Variants in LYL1 observed in about 807,000 individuals in gnomAD.
The protein encoded by LYL1 is LYL1 basic helix-loop-helix family member.
A neutral mutation model predicts 11.1 loss-of-function variants in LYL1; 4 were observed. That is an observed-to-expected ratio of 0.36 (90% CI 0.18 to 0.82). The LOEUF (loss-of-function observed/expected upper bound fraction) is 0.82. LYL1 is among the 40% of genes least tolerant of loss of function. The pLI is 0.49. For synonymous variants in LYL1, 179 were observed against 174.8 expected (o/e 1.02, Z -0.19); for missense variants, 356 against 397.6 (o/e 0.90, Z 0.89).
chr19:13,100,152 C>CTCTT (rs1227084025), intron 3 of LYL1, among the ~76,000 whole-genome samples: 2 of 152,136 alleles, frequency 1.3e-5, no homozygotes, highest in East Asian at 3.9e-4. Context: ...CTGTGTGAGA[C>CTCTT]TCTTGTTATG....
rs12975595 is a variant in LYL1 at position 13,099,506 on chromosome 19, G to C, written c.656C>G (p.Pro219Arg). The C allele has an allele frequency of 3.8e-5, 54 of 1,417,028 alleles. 1 individual carries two copies. The South Asian group carries it at 5.0e-4, about 13-fold the overall frequency. 87.8% of individuals were successfully genotyped at this position (1,417,028 alleles called of 1,614,324 possible). The part of the protein sequence containing the change: ...QAAALAAGPT[P>R]PGPRKRPVHR... ...CACCGGCCGTTTGCGAGGCCCGGGAGGGGTGGGGCCTGCGGCCAGAGCTGC... is the reference window on the plus strand; with the variant it reads ...CACCGGCCGTTTGCGAGGCCCGGGACGGGTGGGGCCTGCGGCCAGAGCTGC... The change falls in exon 4 of 4, where the codon CCT (proline) becomes CGT (arginine). Residue 219 changes from proline to arginine, a missense_variant. Pro to Arg is a moderately radical substitution (Grantham distance 103). Transcript: ENST00000264824. The surrounding 1 kb of genome is among the most constrained non-coding windows in gnomAD (Gnocchi z 5.3).
Position 13,101,366 on chromosome 19 carries a change from A to C in LYL1, c.-24-171T>G. ...GGGGGCAGGCCCAGAAACTTCCAGGACACGGGAGGGGGGTCCTACGTTAGA... is the reference window on the plus strand; with the variant it reads ...GGGGGCAGGCCCAGAAACTTCCAGGCCACGGGAGGGGGGTCCTACGTTAGA... On this transcript the variant is annotated intron_variant, in intron 1 of 3. Transcript: ENST00000264824. This position sits in a 1 kb window ranked among gnomAD's most constrained non-coding sequence, Gnocchi z 5.1. 4.9e-6 allele frequency: 2 copies of C among 406,250 alleles called. No homozygotes were observed. Among genetic ancestry groups the C allele is most frequent in the Non-Finnish European group, 8.7e-6 (2 of 229,808 alleles). The allele number at this position is 406,250 out of a possible 1,614,324, so 25.2% of individuals were successfully genotyped here.
Position 13,100,958 on chromosome 19 carries a change from C to T in LYL1, c.214G>A (p.Gly72Arg), listed in dbSNP as rs769390448. 3.6e-5 allele frequency: 55 copies of T among 1,508,450 alleles called. No homozygotes were observed. Among genetic ancestry groups the T allele is most frequent in the Non-Finnish European group, 4.5e-5 (51 of 1,126,852 alleles). 93.4% of individuals were successfully genotyped at this position (1,508,450 alleles called of 1,614,324 possible). A position where few individuals can be genotyped will look rare whatever the true frequency, so the allele number is the denominator to read the frequency against. Residue 72 changes from glycine (G) to arginine (R), a missense_variant, in exon 2 of 4, where the codon GGG becomes AGG. By Grantham distance (125) the Gly-to-Arg change is moderately radical. Coordinates refer to ENST00000264824, the MANE Select transcript of LYL1 (RefSeq NM_005583.5). The part of the protein sequence containing the change: ...VISLGHSRPP[G>R]VAMPTTELGT... Reference sequence around the variant, plus strand: ...AGCTCTGTGGTGGGCATGGCTACCCCTGGGGGCCTGCTGTGGCCCAGGCTG... The same window carrying T: ...AGCTCTGTGGTGGGCATGGCTACCCTTGGGGGCCTGCTGTGGCCCAGGCTG...
chr19:13,101,605 A>G lies in LYL1; in HGVS notation c.-24-410T>C, dbSNP rs528334819. The G allele has an allele frequency of 5.1e-4, 116 of 227,902 alleles. No homozygotes were observed. The highest frequency in any genetic ancestry group is 2.4e-3 in the African/African-American group (109 of 45,006). 14.1% of individuals were successfully genotyped at this position (227,902 alleles called of 1,614,324 possible). On this transcript the variant is annotated intron_variant, in intron 1 of 3. Transcript: ENST00000264824. This position sits in a 1 kb window ranked among gnomAD's most constrained non-coding sequence, Gnocchi z 5.1. ...AACCCTGTTATCCTCAGATCTAAAG[A>G]TCCAACCCAGAGACTCCTCATTAAC...
Position 13,099,992 on chromosome 19 carries a change from C to T in LYL1, c.428-258G>A, listed in dbSNP as rs2018655392. Among the ~76,000 whole-genome samples, 1 of 152,146 alleles carries T rather than the reference C, an allele frequency of 6.6e-6. No individual in the cohort carries two copies. The highest frequency in any genetic ancestry group is 2.4e-5 in the African/African-American group (1 of 41,442). On this transcript the variant is annotated intron_variant, in intron 3 of 3. Coordinates refer to ENST00000264824, the MANE Select transcript of LYL1 (RefSeq NM_005583.5). This position sits in a 1 kb window ranked among gnomAD's most constrained non-coding sequence, Gnocchi z 5.3. ...ACCTTTATGTCAATGACTGAGATTC[C>T]CTAAAGAAAGATTTCCTTGTGTTTG...
chr19:13,099,262 G>A lies in LYL1; in HGVS notation c.*57C>T, dbSNP rs2018637205. The A allele has an allele frequency of 1.6e-6, 2 of 1,229,656 alleles. No individual in the cohort carries two copies. Among genetic ancestry groups the A allele is most frequent in the Middle Eastern group, 3.0e-4 (1 of 3,374 alleles). The allele number at this position is 1,229,656 out of a possible 1,614,324, so 76.2% of individuals were successfully genotyped here. On this transcript the variant is annotated 3_prime_UTR_variant, in exon 4 of 4. Transcript: ENST00000264824. The surrounding 1 kb of genome is among the most constrained non-coding windows in gnomAD (Gnocchi z 5.3). The stretch of plus-strand genomic sequence containing the variant: ...GCAGCACGTCCACTGCCCTTTCCTT[G>A]ACGGCCCTGGGCCGAGTCCCTGGTG...
Position 13,099,795 on chromosome 19 carries a change from C to G in LYL1, c.428-61G>C. 7.6e-7 allele frequency: 1 copy of G among 1,314,936 alleles called. No homozygotes were observed. The highest frequency in any genetic ancestry group is 9.9e-7 in the Non-Finnish European group (1 of 1,009,530). The allele number at this position is 1,314,936 out of a possible 1,614,324, so 81.5% of individuals were successfully genotyped here. A position where few individuals can be genotyped will look rare whatever the true frequency, so the allele number is the denominator to read the frequency against. On this transcript the variant is annotated intron_variant, in intron 3 of 3. Coordinates refer to ENST00000264824, the MANE Select transcript of LYL1 (RefSeq NM_005583.5). The surrounding 1 kb of genome is among the most constrained non-coding windows in gnomAD (Gnocchi z 5.3). The stretch of plus-strand genomic sequence containing the variant: ...CAAAGGGCGGCCCCTCCTGCCCTCC[C>G]GCTAGACACGCAGCACCCTCGTGGG...
chr19:13,100,792 C>G (rs2018675727), intron 2 of LYL1, 44 bp from the exon 3 acceptor site: 1 of 1,612,732 alleles, frequency 6.2e-7, no homozygotes, highest in Middle Eastern at 1.7e-4. Context: ...GGCAAGGACC[C>G]TGGCCCCCAA....
In LYL1 at chr19:13,099,769, C is replaced by G; in HGVS notation, c.428-35G>C. 1 of 1,393,114 alleles carries G rather than the reference C, an allele frequency of 7.2e-7. No individual in the cohort carries two copies. The allele number at this position is 1,393,114 out of a possible 1,614,324, so 86.3% of individuals were successfully genotyped here. A position where few individuals can be genotyped will look rare whatever the true frequency, so the allele number is the denominator to read the frequency against. On this transcript the variant is annotated intron_variant, in intron 3 of 3. Coordinates refer to ENST00000264824, the MANE Select transcript of LYL1 (RefSeq NM_005583.5). The surrounding 1 kb of genome is among the most constrained non-coding windows in gnomAD (Gnocchi z 5.3). The stretch of plus-strand genomic sequence containing the variant: ...AGGAGGGCCGGGTTGGTGCCATGGC[C>G]CAAAGGGCGGCCCCTCCTGCCCTCC...
rs1303355173 is a variant in LYL1 at position 13,099,466 on chromosome 19, G to C, written c.696C>G (p.Asp232Glu). ...PRKRPVHRVP[D>E]DGARRGSGRR... is the part of the protein sequence containing the mutation. ...GTCCGGATCCCCGGCGGGCGCCGTC[G>C]TCTGGGACCCGGTGCACCGGCCGTT... is the stretch of plus-strand genomic sequence containing the variant. The change falls in exon 4 of 4, where the codon GAC (aspartate) becomes GAG (glutamate). Residue 232 changes from aspartate to glutamate, a missense_variant. Transcript: ENST00000264824. The surrounding 1 kb of genome is among the most constrained non-coding windows in gnomAD (Gnocchi z 5.3). 2.4e-6 allele frequency: 3 copies of C among 1,267,580 alleles called. No individual in the cohort carries two copies. Among genetic ancestry groups the C allele is most frequent in the East Asian group, 3.1e-5 (1 of 31,778 alleles). 78.5% of individuals were successfully genotyped at this position (1,267,580 alleles called of 1,614,324 possible). A position where few individuals can be genotyped will look rare whatever the true frequency, so the allele number is the denominator to read the frequency against.
rs2018640836 is a variant in LYL1 at position 13,099,377 on chromosome 19, C to T, written c.785G>A (p.Gly262Asp). 7 of 1,267,820 alleles carry T rather than the reference C, an allele frequency of 5.5e-6. No individual in the cohort carries two copies. The East Asian group carries it at 1.2e-4, about 22-fold the overall frequency. 78.5% of individuals were successfully genotyped at this position (1,267,820 alleles called of 1,614,324 possible). ...CATCTTGATGGGCCGGGCCGCTCCA[C>T]CGGGGCTGCCGTCGGGGTCGGCCGG... Reference protein sequence around the residue: ...APPADPDGSPGGAARPIKMEQ... With the variant: ...APPADPDGSPDGAARPIKMEQ... Residue 262 changes from glycine to aspartate, a missense_variant, in exon 4 of 4, where the codon GGT (glycine) becomes GAT (aspartate). Physicochemically the swap from Gly to Asp is moderately conservative, Grantham distance 94. Transcript: ENST00000264824. This position sits in a 1 kb window ranked among gnomAD's most constrained non-coding sequence, Gnocchi z 5.3.
Position 13,101,340 on chromosome 19 carries a change from C to T in LYL1, c.-24-145G>A, listed in dbSNP as rs559865570. On this transcript the variant is annotated intron_variant, in intron 1 of 3. Transcript: ENST00000264824. The surrounding 1 kb of genome is among the most constrained non-coding windows in gnomAD (Gnocchi z 5.1). The stretch of plus-strand genomic sequence containing the variant: ...AGTTTCAGTAGGCAAAGGCAGATGG[C>T]GGGGGCAGGCCCAGAAACTTCCAGG... 1.4e-4 allele frequency: 54 copies of T among 393,776 alleles called. No homozygotes were observed. Among genetic ancestry groups the T allele is most frequent in the African/African-American group, 9.0e-4 (43 of 48,000 alleles). 24.4% of individuals were successfully genotyped at this position (393,776 alleles called of 1,614,324 possible).
Position 13,099,239 on chromosome 19 carries a change from A to C in LYL1, c.*80T>G. On this transcript the variant is annotated 3_prime_UTR_variant, in exon 4 of 4. Transcript: ENST00000264824. This position sits in a 1 kb window ranked among gnomAD's most constrained non-coding sequence, Gnocchi z 5.3. ...GGGGAGTTCGCTCCCGAACATGCGC[A>C]GCACGTCCACTGCCCTTTCCTTGAC... 2 of 1,185,032 alleles carry C rather than the reference A, an allele frequency of 1.7e-6. No homozygotes were observed. The highest frequency in any genetic ancestry group is 2.1e-6 in the Non-Finnish European group (2 of 946,370). 73.4% of individuals were successfully genotyped at this position (1,185,032 alleles called of 1,614,324 possible).
At position 13,099,305 on chromosome 19, in the gene LYL1, G is replaced by A. The variant is rs2018638727; in HGVS notation, c.*14C>T. 15 of 1,266,010 alleles carry A rather than the reference G, an allele frequency of 1.2e-5. No homozygotes were observed. Among genetic ancestry groups the A allele is most frequent in the Non-Finnish European group, 1.5e-5 (15 of 1,005,204 alleles). The allele number at this position is 1,266,010 out of a possible 1,614,324, so 78.4% of individuals were successfully genotyped here. The stretch of plus-strand genomic sequence containing the variant: ...CCCTGGTGCCCTCCGGCTCAGAGGT[G>A]CTGCCGCGTGCGGTCACCGCACCTC... On this transcript the variant is annotated 3_prime_UTR_variant, in exon 4 of 4. Coordinates refer to ENST00000264824, the MANE Select transcript of LYL1 (RefSeq NM_005583.5). This position sits in a 1 kb window ranked among gnomAD's most constrained non-coding sequence, Gnocchi z 5.3.
In LYL1 at chr19:13,099,828, AC is replaced by A. The variant is rs1244990247; in HGVS notation, c.428-95del. ...ACGCAGCACCCTCGTGGGAACTTAAACCCAGGCCATGGGCTGGGGCTTTCTC... is the reference window on the plus strand; with the variant it reads ...ACGCAGCACCCTCGTGGGAACTTAAACCAGGCCATGGGCTGGGGCTTTCTC... On this transcript the variant is annotated intron_variant, in intron 3 of 3. Coordinates refer to ENST00000264824, the MANE Select transcript of LYL1 (RefSeq NM_005583.5). This position sits in a 1 kb window ranked among gnomAD's most constrained non-coding sequence, Gnocchi z 5.3. 8.4e-7 allele frequency: 1 copy of A among 1,184,182 alleles called. No individual in the cohort carries two copies. The highest frequency in any genetic ancestry group is 1.1e-6 in the Non-Finnish European group (1 of 895,220). The allele number at this position is 1,184,182 out of a possible 1,614,324, so 73.4% of individuals were successfully genotyped here. A position where few individuals can be genotyped will look rare whatever the true frequency, so the allele number is the denominator to read the frequency against.
rs968680504 is a variant in LYL1, at chr19:13,102,811, C to G, written c.-305G>C. 1 of 152,422 alleles carries G rather than the reference C, an allele frequency of 6.6e-6. No individual in the cohort carries two copies. The highest frequency in any genetic ancestry group is 1.5e-5 in the Non-Finnish European group (1 of 68,180). The allele number at this position is 152,422 out of a possible 1,614,324, so 9.4% of individuals were successfully genotyped here. On this transcript the variant is annotated 5_prime_UTR_variant, in exon 1 of 4. Coordinates refer to ENST00000264824, the MANE Select transcript of LYL1 (RefSeq NM_005583.5). The surrounding 1 kb of genome is among the most constrained non-coding windows in gnomAD (Gnocchi z 4.9). Reference sequence around the variant, plus strand: ...CGGCGGCCCGGTTTCCTCCCTCTCACCCCTGGCGGCGCAGCGGCCGGAGGA... The same window carrying G: ...CGGCGGCCCGGTTTCCTCCCTCTCAGCCCTGGCGGCGCAGCGGCCGGAGGA...
chr19:13,099,863 G>A lies in LYL1; in HGVS notation c.428-129C>T. 2 of 794,810 alleles carry A rather than the reference G, an allele frequency of 2.5e-6. No homozygotes were observed. The highest frequency in any genetic ancestry group is 3.7e-6 in the Non-Finnish European group (2 of 546,096). The allele number at this position is 794,810 out of a possible 1,614,324, so 49.2% of individuals were successfully genotyped here. ...TGGGCTGGGGCTTTCTCCACCCAAGGGGTCCACGGGCAGCTCTCCCCACCC... is the reference window on the plus strand; with the variant it reads ...TGGGCTGGGGCTTTCTCCACCCAAGAGGTCCACGGGCAGCTCTCCCCACCC... On this transcript the variant is annotated intron_variant, in intron 3 of 3. Transcript: ENST00000264824. This position sits in a 1 kb window ranked among gnomAD's most constrained non-coding sequence, Gnocchi z 5.3.
At position 13,099,876 on chromosome 19, in the gene LYL1, G is replaced by C. The variant is rs1025568719; in HGVS notation, c.428-142C>G. 5 of 685,402 alleles carry C rather than the reference G, an allele frequency of 7.3e-6. No individual in the cohort carries two copies. The highest frequency in any genetic ancestry group is 1.1e-5 in the Non-Finnish European group (5 of 448,690). The allele number at this position is 685,402 out of a possible 1,614,324, so 42.5% of individuals were successfully genotyped here. A position where few individuals can be genotyped will look rare whatever the true frequency, so the allele number is the denominator to read the frequency against. On this transcript the variant is annotated intron_variant, in intron 3 of 3. Coordinates refer to ENST00000264824, the MANE Select transcript of LYL1 (RefSeq NM_005583.5). This position sits in a 1 kb window ranked among gnomAD's most constrained non-coding sequence, Gnocchi z 5.3. ...TCTCCACCCAAGGGGTCCACGGGCA[G>C]CTCTCCCCACCCCTCCCAAGAGCCA...
Position 13,099,119 on chromosome 19 carries a change from ATTTT to A in LYL1, c.*196_*199del, listed in dbSNP as rs1425638927. On this transcript the variant is annotated 3_prime_UTR_variant, in exon 4 of 4. Coordinates refer to ENST00000264824, the MANE Select transcript of LYL1 (RefSeq NM_005583.5). This position sits in a 1 kb window ranked among gnomAD's most constrained non-coding sequence, Gnocchi z 5.3. The stretch of plus-strand genomic sequence containing the variant: ...GGCCACTTCCAGAGGGTTGTGGGTG[ATTTT>A]TTTAAGGGTCTGCGGGTCCCTTGGG... 2.3e-6 allele frequency: 1 copy of A among 442,230 alleles called. No homozygotes were observed. The highest frequency in any genetic ancestry group is 3.7e-6 in the Non-Finnish European group (1 of 270,164). The allele number at this position is 442,230 out of a possible 1,614,324, so 27.4% of individuals were successfully genotyped here.
Sources: gnomAD v4.1 joint callset for allele counts (sites outside exome capture counted in the v4.1 genomes callset) on GRCh38, gnomAD v4.1.1 for gene constraint, Gnocchi (gnomAD v3.1) non-coding constraint, MANE v1.5 for transcripts, NCBI Gene and HGNC (gene_info 2026-07-23, HGNC 2026-07-21) for gene names.